Variants in UBE2R2 observed in about 807,000 individuals in gnomAD.
UBE2R2 encodes ubiquitin-conjugating enzyme E2 R2.
UBE2R2 carries 1 observed loss-of-function variant against 27.8 expected under a neutral mutation model. The observed-to-expected ratio is 0.04, with a 90% CI of 0.01 to 0.17. The LOEUF (loss-of-function observed/expected upper bound fraction) is 0.17, where lower values mean the gene tolerates loss of function less well. UBE2R2 is among the 10% of genes least tolerant of loss of function. The pLI is 1.00. For synonymous variants in UBE2R2, 106 were observed against 113.3 expected (o/e 0.94, Z 0.41); for missense variants, 100 against 291.0 (o/e 0.34, Z 4.78).
intron 1 of UBE2R2, among the ~76,000 whole-genome samples, chr9:33,845,839 C>G (rs1464744616): frequency 2.6e-5 from 4 of 151,564 alleles, no homozygotes; most frequent in Non-Finnish European, 4.4e-5. Flanking sequence ...GAAACTCTGT[C>G]TCTACTAAAA....
intron 2 of UBE2R2, among the ~76,000 whole-genome samples, chr9:33,891,067 T>TTTGTTTTTTTTTTTTTA (rs1587472233): frequency 1.3e-5 from 2 of 148,914 alleles, no homozygotes; most frequent in Non-Finnish European, 1.5e-5. Context: ...TTTTTTTTTT[T>TTTGTTTTTTTTTTTTTA]GAGATGGAGT....
chr9:33,887,097 C>T, intron 2 of UBE2R2, 130 bp downstream of exon 2: 1 of 711,818 alleles, frequency 1.4e-6, no homozygotes, highest in Non-Finnish European at 2.3e-6. Flanking sequence ...TGATTTTGCA[C>T]TTCAGTTAAC....
chr9:33,875,744 G>T (rs1821589239), intron 1 of UBE2R2, among the ~76,000 whole-genome samples: 1 of 152,150 alleles, frequency 6.6e-6, no homozygotes, highest in Admixed American at 6.6e-5. Flanking sequence ...CAAAGACAAT[G>T]CTTAGAATTG....
chr9:33,845,870 C>T (rs1016407490), intron 1 of UBE2R2, among the ~76,000 whole-genome samples: 23 of 151,824 alleles, frequency 1.5e-4, no homozygotes, highest in Admixed American at 1.1e-3. Flanking sequence ...TGGCTGGGCG[C>T]GGTGGCTCAC....
intron 1 of UBE2R2, among the ~76,000 whole-genome samples, chr9:33,855,520 A>T (rs974022830): frequency 6.6e-6 from 1 of 152,180 alleles, no homozygotes; most frequent in African/African-American, 2.4e-5. Context: ...TGGGGAAATA[A>T]TGGAAATCCA....
At chr9:33,828,484 G>C (rs912441188) in intron 1 of UBE2R2, among the ~76,000 whole-genome samples, 2 of 151,208 alleles carry the variant, frequency 1.3e-5, no homozygotes, top group Non-Finnish European at 1.5e-5. Context: ...CCGCCTCCTG[G>C]GTTCAATCAG....
intron 1 of UBE2R2, among the ~76,000 whole-genome samples, chr9:33,859,799 T>TGTGTGAGAGAGAGAGAGAGA (rs766779268): frequency 1.6e-4 from 14 of 86,584 alleles, no homozygotes; most frequent in African/African-American, 6.4e-4. Context: ...TGTGTGTGTG[T>TGTGTGAGAGAGAGAGAGAGA]GAGAGAGAGA....
At chr9:33,900,638 G>A (rs572340629) in intron 3 of UBE2R2, among the ~76,000 whole-genome samples, 3 of 151,994 alleles carry the variant, frequency 2.0e-5, no homozygotes, top group Non-Finnish European at 4.4e-5. Context: ...AAGTCCATAC[G>A]CTTTCACATT....
At chr9:33,881,653 G>A (rs1270718306) in intron 1 of UBE2R2, among the ~76,000 whole-genome samples, 1 of 152,050 alleles carries the variant, frequency 6.6e-6, no homozygotes, top group Non-Finnish European at 1.5e-5. Flanking sequence ...CCTCCATTTG[G>A]GTTATCTGAT....
chr9:33,891,177 G>A (rs1821978287), intron 2 of UBE2R2, among the ~76,000 whole-genome samples: 1 of 151,486 alleles, frequency 6.6e-6, no homozygotes, highest in South Asian at 2.1e-4. Flanking sequence ...AGCCTTCTGA[G>A]TAGCTGGGAT....
Position 33,917,569 on chromosome 9 carries a change from T to G in UBE2R2, c.*332T>G. 4.1e-6 allele frequency: 2 copies of G among 482,092 alleles called. No individual in the cohort carries two copies. The highest frequency in any genetic ancestry group is 7.2e-6 in the Non-Finnish European group (2 of 276,894). The allele number at this position is 482,092 out of a possible 1,614,324, so 29.9% of individuals were successfully genotyped here. ...ACAGCAAAACACGTTTGGTCTGTTT[T>G]TAGATTCTTGAAGAATTCAATAGTC... On this transcript the variant is annotated 3_prime_UTR_variant, in exon 5 of 5. Transcript: ENST00000263228.
chr9:33,889,794 T>C (rs10758233), intron 2 of UBE2R2, among the ~76,000 whole-genome samples: 61,525 of 151,874 alleles, frequency 0.41, 12,790 homozygotes, highest in African/African-American at 0.48. Flanking sequence ...AAGGATTCTT[T>C]TGCCCCAGCC....
intron 1 of UBE2R2, among the ~76,000 whole-genome samples, chr9:33,825,861 G>A (rs571984623): frequency 6.6e-6 from 1 of 152,206 alleles, no homozygotes; most frequent in Admixed American, 6.6e-5. Flanking sequence ...GTTGGATGCA[G>A]TGGCTCATGC....
At chr9:33,848,049 C>G (rs1398405258) in intron 1 of UBE2R2, among the ~76,000 whole-genome samples, 1 of 152,116 alleles carries the variant, frequency 6.6e-6, no homozygotes, top group African/African-American at 2.4e-5. Flanking sequence ...GCCACTGCGC[C>G]TGGCCTGTTG....
chr9:33,849,601 C>T lies in UBE2R2; in HGVS notation c.177+31667C>T, dbSNP rs115171789. On this transcript the variant is annotated intron_variant, in intron 1 of 4. Coordinates refer to ENST00000263228, the MANE Select transcript of UBE2R2 (RefSeq NM_017811.4). ...GAGTATGGATGGACGCCTGTAATCC[C>T]AGCACTTTGGGAGGCTGAGGCAGGC... is the stretch of plus-strand genomic sequence containing the variant. Among the ~76,000 whole-genome samples, 1,258 of 151,800 alleles carry T rather than the reference C, an allele frequency of 8.3e-3. 13 individuals are homozygous for T. Among genetic ancestry groups the T allele is most frequent in the African/African-American group, 0.028 (1,155 of 41,366 alleles).
chr9:33,913,462 G>C (rs556544905), intron 4 of UBE2R2, among the ~76,000 whole-genome samples: 5 of 151,726 alleles, frequency 3.3e-5, no homozygotes, highest in African/African-American at 1.2e-4. Flanking sequence ...AGGTCTTGCT[G>C]TGTTGCCCAG....
intron 1 of UBE2R2, among the ~76,000 whole-genome samples, chr9:33,871,494 A>T (rs559682533): frequency 2.4e-4 from 36 of 152,314 alleles, no homozygotes; most frequent in African/African-American, 8.2e-4. Flanking sequence ...TAGGGAGAAC[A>T]TATGTGGTAA....
At chr9:33,873,561 A>G (rs893209108) in intron 1 of UBE2R2, among the ~76,000 whole-genome samples, 6 of 152,202 alleles carry the variant, frequency 3.9e-5, no homozygotes, top group East Asian at 1.9e-4. Flanking sequence ...AAGGCTATCA[A>G]ACTTCTTAAG....
chr9:33,822,099 T>A (rs868861098), intron 1 of UBE2R2, among the ~76,000 whole-genome samples: 40 of 151,244 alleles, frequency 2.6e-4, no homozygotes, highest in South Asian at 8.3e-4. Context: ...TATATATATT[T>A]TTTTTTTTTG....
Sources: allele counts gnomAD v4.1 joint callset (sites outside exome capture counted in the v4.1 genomes callset), GRCh38; gene constraint gnomAD v4.1.1; transcripts MANE v1.5; gene names NCBI Gene and HGNC (gene_info 2026-07-23, HGNC 2026-07-21).